Variants in PIP5K1A observed in about 807,000 individuals in gnomAD.
The protein encoded by PIP5K1A is phosphatidylinositol-4-phosphate 5-kinase type 1 alpha, also known as phosphatidylinositol 4-phosphate 5-kinase type-1 alpha.
PIP5K1A carries 46 observed loss-of-function variants against 72.9 expected under a neutral mutation model. The observed-to-expected ratio is 0.63, with a 90% CI of 0.50 to 0.81. The LOEUF (loss-of-function observed/expected upper bound fraction) is 0.81. PIP5K1A is among the 30% of genes least tolerant of loss of function. PIP5K1A has a pLI of 0.00. For synonymous variants in PIP5K1A, 228 were observed against 255.1 expected, an observed-to-expected ratio of 0.89 and a Z score of 1.01; for missense variants, 458 against 706.1, an observed-to-expected ratio of 0.65 and a Z score of 3.98.
intron 1 of PIP5K1A, among the ~76,000 whole-genome samples, chr1:151,215,800 T>C (rs1358445872): frequency 6.6e-6 from 1 of 152,104 alleles, no homozygotes; most frequent in Non-Finnish European, 1.5e-5. Context: ...TTACCTAGAA[T>C]TACAAAAAAA....
At chr1:151,246,230 G>A (rs982615638) in intron 14 of PIP5K1A, among the ~76,000 whole-genome samples, 1 of 152,158 alleles carries the variant, frequency 6.6e-6, no homozygotes, top group African/African-American at 2.4e-5. Context: ...CTGGGCGACA[G>A]AGCGAGATCT....
At chr1:151,215,358 A>G (rs1570813117) in intron 1 of PIP5K1A, among the ~76,000 whole-genome samples, 3 of 133,344 alleles carry the variant, frequency 2.2e-5, no homozygotes, top group Admixed American at 8.0e-5. Context: ...TTTGAAAAGG[A>G]GTCTCATTGT....
intron 1 of PIP5K1A, among the ~76,000 whole-genome samples, chr1:151,214,627 T>A (rs1445385326): frequency 6.6e-6 from 1 of 152,144 alleles, no homozygotes; most frequent in Non-Finnish European, 1.5e-5. Flanking sequence ...GTGATCCGCT[T>A]GCCTCAGCCT....
At chr1:151,242,306 A>ACT (rs764303959) in intron 13 of PIP5K1A, 37 bp downstream of exon 13, 2 of 1,538,836 alleles carry the variant, frequency 1.3e-6, no homozygotes, top group South Asian at 2.2e-5. Context: ...GTGATTGGGT[A>ACT]CTCCCTCCCT....
At chr1:151,216,618 C>A (rs1013199670) in intron 1 of PIP5K1A, among the ~76,000 whole-genome samples, 1 of 152,018 alleles carries the variant, frequency 6.6e-6, no homozygotes, top group Non-Finnish European at 1.5e-5. Context: ...AGTCTCAACT[C>A]TTTTCCTTTT....
intron 1 of PIP5K1A, among the ~76,000 whole-genome samples, chr1:151,211,812 GA>G (rs1311125521): frequency 7.7e-6 from 1 of 129,158 alleles, no homozygotes; most frequent in Non-Finnish European, 1.6e-5. Context: ...TCTCAAAAAA[GA>G]AAAAAAAAGG....
At chr1:151,231,636 C>A in intron 4 of PIP5K1A, 35 bp from the exon 5 acceptor site, 1 of 1,596,142 alleles carries the variant, frequency 6.3e-7, no homozygotes, top group Non-Finnish European at 8.6e-7. Flanking sequence ...CCTACTTATA[C>A]TAGGAATTTT....
chr1:151,239,666 T>TA lies in PIP5K1A; in HGVS notation c.1279-288dup, dbSNP rs200866472. Among the ~76,000 whole-genome samples, 690 of 152,282 alleles carry TA rather than the reference T, an allele frequency of 4.5e-3. 6 individuals are homozygous for TA. The highest frequency in any genetic ancestry group is 0.016 in the African/African-American group (655 of 41,536). ...CCTCAGCCTCCCATGTAGCTGGGAT[T>TA]ACAGGTGCCCACCACCATGCATGGC... On this transcript the variant is annotated intron_variant, in intron 11 of 15. Transcript: ENST00000368888.
intron 1 of PIP5K1A, among the ~76,000 whole-genome samples, chr1:151,212,067 A>G (rs1229767559): frequency 6.6e-6 from 1 of 152,012 alleles, no homozygotes; most frequent in Non-Finnish European, 1.5e-5. Context: ...AGCCAAGATC[A>G]CGACGCTGCA....
chr1:151,205,325 G>A (rs1572146158), intron 1 of PIP5K1A, among the ~76,000 whole-genome samples: 2 of 152,072 alleles, frequency 1.3e-5, no homozygotes, highest in African/African-American at 4.8e-5. Flanking sequence ...ACAGGCGTGC[G>A]CCACCACGCC....
intron 4 of PIP5K1A, 96 bp downstream of exon 4, chr1:151,227,496 T>G (rs1211902708): frequency 1.4e-6 from 1 of 706,868 alleles, no homozygotes; most frequent in African/African-American, 1.8e-5. Context: ...TGTACTGTCC[T>G]GTTTCTTGAT....
chr1:151,236,829 T>C (rs1690951482), intron 9 of PIP5K1A, 66 bp downstream of exon 9: 5 of 1,073,308 alleles, frequency 4.7e-6, no homozygotes, highest in Non-Finnish European at 6.6e-6. Context: ...TTCTTTTTTT[T>C]TTTTTTTTTT....
chr1:151,216,907 T>G (rs1395293907), intron 1 of PIP5K1A, among the ~76,000 whole-genome samples: 6 of 15,052 alleles, frequency 4.0e-4, no homozygotes, highest in African/African-American at 1.3e-3. Context: ...AATGTTTTTT[T>G]TTTTTTTTTT....
chr1:151,241,242 C>G (rs1691644911), intron 12 of PIP5K1A, among the ~76,000 whole-genome samples: 1 of 152,042 alleles, frequency 6.6e-6, no homozygotes, highest in South Asian at 2.1e-4. Context: ...TGTCTCACAC[C>G]AGTAATCCCA....
chr1:151,215,026 CTT>C lies in PIP5K1A; in HGVS notation c.86-9199_86-9198del, dbSNP rs981508990. Among the ~76,000 whole-genome samples the C allele has an allele frequency of 4.8e-3, 557 of 115,064 alleles. 1 individual carries two copies. The highest frequency in any genetic ancestry group is 0.014 in the Middle Eastern group (3 of 216). 75.5% of individuals were successfully genotyped at this position (115,064 alleles called of 152,430 possible). A position where few individuals can be genotyped will look rare whatever the true frequency, so the allele number is the denominator to read the frequency against. On this transcript the variant is annotated intron_variant, in intron 1 of 15. Coordinates refer to ENST00000368888, the MANE Select transcript of PIP5K1A (RefSeq NM_001135638.2). ...AGCCACCATGCCCAGCCTGTGCATT[CTT>C]TTTTTTTTTTTTTTTTTTTGAGATG... is the stretch of plus-strand genomic sequence containing the variant.
chr1:151,230,012 A>T (rs1280362727), intron 4 of PIP5K1A, among the ~76,000 whole-genome samples: 5 of 152,120 alleles, frequency 3.3e-5, no homozygotes, highest in Non-Finnish European at 5.9e-5. Context: ...GGTGTCAACC[A>T]GGGAGGCGGA....
Position 151,198,552 on chromosome 1 carries a change from G to C in PIP5K1A, c.-445G>C. The C allele has an allele frequency of 5.0e-6, 1 of 198,940 alleles. No homozygotes were observed. The highest frequency in any genetic ancestry group is 1.1e-5 in the Non-Finnish European group (1 of 94,772). The allele number at this position is 198,940 out of a possible 1,614,324, so 12.3% of individuals were successfully genotyped here. A position where few individuals can be genotyped will look rare whatever the true frequency, so the allele number is the denominator to read the frequency against. ...AGGTCGGGCGCATGCGCAGTGCTCG[G>C]ATTTTTTGCTTGGCTACCCGGAGTG... is the stretch of plus-strand genomic sequence containing the variant. On this transcript the variant is annotated 5_prime_UTR_variant, in exon 1 of 16. Coordinates refer to ENST00000368888, the MANE Select transcript of PIP5K1A (RefSeq NM_001135638.2).
At chr1:151,199,172 G>C in intron 1 of PIP5K1A, 91 bp downstream of exon 1, 2 of 1,594,796 alleles carry the variant, frequency 1.3e-6, no homozygotes, top group Non-Finnish European at 1.7e-6. Flanking sequence ...AGCTGGGAAT[G>C]TCCTACGTGT....
chr1:151,208,106 T>A lies in PIP5K1A; in HGVS notation c.85+9025T>A, dbSNP rs185477929. Among the ~76,000 whole-genome samples the A allele has an allele frequency of 1.5e-3, 222 of 152,188 alleles. 1 individual carries two copies. The highest frequency in any genetic ancestry group is 5.2e-3 in the African/African-American group (216 of 41,530). ...AACTCCTAACTTCAGCTGATCCACC[T>A]GCCTTGGCCTCCCAAAGTGCTGGGA... On this transcript the variant is annotated intron_variant, in intron 1 of 15. Coordinates refer to ENST00000368888, the MANE Select transcript of PIP5K1A (RefSeq NM_001135638.2).
Sources: gnomAD v4.1 joint callset for allele counts (sites outside exome capture counted in the v4.1 genomes callset) on GRCh38, gnomAD v4.1.1 for gene constraint, MANE v1.5 for transcripts, NCBI Gene and HGNC (gene_info 2026-07-23, HGNC 2026-07-21) for gene names.